Variants in UCHL5 observed in about 807,000 individuals in gnomAD.
UCHL5 encodes ubiquitin C-terminal hydrolase L5, also known as ubiquitin carboxyl-terminal hydrolase isozyme L5.
A neutral mutation model predicts 53.8 loss-of-function variants in UCHL5; 34 were observed. The ratio of observed to expected loss-of-function variants is 0.63; its 90% CI spans 0.48 to 0.84. The LOEUF (loss-of-function observed/expected upper bound fraction) is 0.84, where lower values mean the gene tolerates loss of function less well. Ranked by LOEUF, UCHL5 falls within the 40% of genes least tolerant of loss-of-function variation. The pLI is 0.00. For missense variants in UCHL5, 290 were observed against 385.6 expected (o/e 0.75, Z 2.08); for synonymous variants, 111 against 126.3 (o/e 0.88, Z 0.81).
chr1:193,056,934 A>G (rs553545889), intron 1 of UCHL5, among the ~76,000 whole-genome samples: 1 of 152,338 alleles, frequency 6.6e-6, no homozygotes, highest in East Asian at 1.9e-4. Flanking sequence ...CTGATTTTTC[A>G]TATGTGCATG....
At chr1:193,025,239 T>C (rs1262707834) in intron 7 of UCHL5, among the ~76,000 whole-genome samples, 1 of 152,178 alleles carries the variant, frequency 6.6e-6, no homozygotes, top group African/African-American at 2.4e-5. Context: ...ATCATTCCAC[T>C]ATAGCCAAAC....
chr1:193,059,929 C>G, upstream of UCHL5: 3 of 1,366,294 alleles, frequency 2.2e-6, no homozygotes, highest in Non-Finnish European at 2.9e-6. The surrounding 1 kb of genome is among the most constrained non-coding windows in gnomAD (Gnocchi z 4.9). Flanking sequence ...CCCGCTTCCG[C>G]GCCTGTCCAC....
rs761583707 is a variant in UCHL5, at chr1:193,049,855, C to T, written c.141-4G>A. The T allele has an allele frequency of 2.5e-6, 4 of 1,601,358 alleles. No homozygotes were observed. Among genetic ancestry groups the T allele is most frequent in the African/African-American group, 2.7e-5 (2 of 74,362 alleles). On this transcript the variant is annotated splice_polypyrimidine_tract_variant and splice_region_variant and intron_variant, in intron 2 of 10. Coordinates refer to ENST00000367454, the MANE Select transcript of UCHL5 (RefSeq NM_001199261.3). Reference sequence around the variant, plus strand: ...AAAAATTAACCCATGAACTGGCCTACAAAATAAAATACAAATTAATGACAT... The same window carrying T: ...AAAAATTAACCCATGAACTGGCCTATAAAATAAAATACAAATTAATGACAT...
At chr1:193,027,242 A>G (rs1181709008) in intron 7 of UCHL5, among the ~76,000 whole-genome samples, 1 of 152,224 alleles carries the variant, frequency 6.6e-6, no homozygotes, top group African/African-American at 2.4e-5. Context: ...TAAAAAATAC[A>G]CAAGATGTCT....
At chr1:193,047,727 G>A (rs1399300435) in intron 3 of UCHL5, among the ~76,000 whole-genome samples, 1 of 152,048 alleles carries the variant, frequency 6.6e-6, no homozygotes, top group Non-Finnish European at 1.5e-5. Flanking sequence ...CCTTTTCAAG[G>A]AGTTTGTGAG....
At chr1:193,058,164 T>C (rs1452572327) in intron 1 of UCHL5, among the ~76,000 whole-genome samples, 4 of 149,594 alleles carry the variant, frequency 2.7e-5, no homozygotes, top group Non-Finnish European at 6.0e-5. Context: ...GAGATGGAGG[T>C]TGCAGTGGGC....
At chr1:193,017,053 C>A (rs2102235177) in intron 10 of UCHL5, among the ~76,000 whole-genome samples, 1 of 151,848 alleles carries the variant, frequency 6.6e-6, no homozygotes, top group South Asian at 2.1e-4. Flanking sequence ...CAATACAGAT[C>A]AAAGACATAT....
chr1:193,058,235 AAAAG>A (rs1305235247), intron 1 of UCHL5, among the ~76,000 whole-genome samples: 2 of 152,142 alleles, frequency 1.3e-5, no homozygotes, highest in African/African-American at 4.8e-5. Flanking sequence ...TCAAACAAAA[AAAAG>A]AAAATTTCCC....
At chr1:193,051,245 T>C (rs1014737506) in intron 2 of UCHL5, among the ~76,000 whole-genome samples, 7 of 152,034 alleles carry the variant, frequency 4.6e-5, no homozygotes, top group Admixed American at 4.6e-4. Flanking sequence ...TTAAAAGAGG[T>C]GATTCTGGTC....
chr1:193,024,709 A>G (rs1658495696), intron 7 of UCHL5, among the ~76,000 whole-genome samples: 1 of 151,596 alleles, frequency 6.6e-6, no homozygotes, highest in African/African-American at 2.4e-5. Context: ...GGTTCATGGT[A>G]GCAACTGACA....
chr1:193,037,945 G>C (rs1664139296), intron 3 of UCHL5, among the ~76,000 whole-genome samples: 1 of 149,702 alleles, frequency 6.7e-6, no homozygotes, highest in Non-Finnish European at 1.5e-5. Flanking sequence ...AGTCATCCAG[G>C]GATGCAAGAT....
At chr1:193,050,267 G>A (rs1179802490) in intron 2 of UCHL5, among the ~76,000 whole-genome samples, 1 of 152,078 alleles carries the variant, frequency 6.6e-6, no homozygotes, top group East Asian at 1.9e-4. Flanking sequence ...TATATTATTG[G>A]ATTCATGAAA....
chr1:193,040,740 C>T (rs1430543414), intron 3 of UCHL5, among the ~76,000 whole-genome samples: 1 of 152,084 alleles, frequency 6.6e-6, no homozygotes, highest in African/African-American at 2.4e-5. Context: ...ATATAATCAA[C>T]TTAAGTGTCC....
intron 3 of UCHL5, among the ~76,000 whole-genome samples, chr1:193,039,424 A>C (rs1664774997): frequency 1.3e-5 from 2 of 152,146 alleles, no homozygotes; most frequent in East Asian, 1.9e-4. Context: ...AAAAATAATA[A>C]TCTAAAATAC....
chr1:193,036,567 C>A (rs1232753935), intron 3 of UCHL5, among the ~76,000 whole-genome samples: 3 of 151,930 alleles, frequency 2.0e-5, no homozygotes, highest in African/African-American at 7.2e-5. Context: ...TCTGACAGAT[C>A]ATGCAAACAG....
At chr1:193,057,903 C>T (rs1371130171) in intron 1 of UCHL5, among the ~76,000 whole-genome samples, 1 of 152,166 alleles carries the variant, frequency 6.6e-6, no homozygotes, top group African/African-American at 2.4e-5. Context: ...GTCAATTATT[C>T]GAAACAGCAG....
rs1237900398 is a variant in UCHL5, at chr1:193,016,403, T to A, written c.943-8A>T. On this transcript the variant is annotated splice_region_variant and splice_polypyrimidine_tract_variant and intron_variant, in intron 10 of 10. Transcript: ENST00000367454. ...GTTCTGTTTTTCTTTTGCCTAAAAATTAAAAATAGTATGTTACAAAATTTT... is the reference window on the plus strand; with the variant it reads ...GTTCTGTTTTTCTTTTGCCTAAAAAATAAAAATAGTATGTTACAAAATTTT... The A allele has an allele frequency of 6.2e-7, 1 of 1,603,638 alleles. No homozygotes were observed.
At chr1:193,059,898 G>T, upstream of UCHL5, 1 of 1,365,662 alleles carries the variant, frequency 7.3e-7, no homozygotes, top group South Asian at 1.1e-5. This position sits in a 1 kb window ranked among gnomAD's most constrained non-coding sequence, Gnocchi z 4.9. Flanking sequence ...CAAACGCCGC[G>T]AAACTATCGC....
intron 1 of UCHL5, among the ~76,000 whole-genome samples, chr1:193,052,819 T>C (rs2102879779): frequency 6.6e-6 from 1 of 152,344 alleles, no homozygotes; most frequent in African/African-American, 2.4e-5. Context: ...TTTTATGTCC[T>C]CTACATAAAG....
Sources: gnomAD v4.1 joint callset for allele counts (sites outside exome capture counted in the v4.1 genomes callset) on GRCh38, gnomAD v4.1.1 for gene constraint, Gnocchi (gnomAD v3.1) non-coding constraint, MANE v1.5 for transcripts, NCBI Gene and HGNC (gene_info 2026-07-23, HGNC 2026-07-21) for gene names.